The following DDAH1 variants were observed in gnomAD, a reference collection of about 807,000 sequenced individuals.
DDAH1 encodes the protein N(G),N(G)-dimethylarginine dimethylaminohydrolase 1.
In DDAH1, 19 loss-of-function variants were observed where a neutral mutation model predicts 28.8. The observed-to-expected ratio is 0.66, with a 90% confidence interval of 0.46 to 0.97. DDAH1 has a LOEUF of 0.97. DDAH1 is among the 50% of genes least tolerant of loss of function. The pLI is 0.00. For synonymous variants in DDAH1, 153 were observed against 154.4 expected (o/e 0.99, Z 0.07); for missense variants, 326 against 375.9 (o/e 0.87, Z 1.10).
chr1:85,401,870 T>G (rs1434070284), intron 1 of DDAH1, among the ~76,000 whole-genome samples: 3 of 152,224 alleles, frequency 2.0e-5, no homozygotes. Flanking sequence ...CAGTTATATG[T>G]AATTTTGTTT....
chr1:85,543,643 C>T (rs1436894874), intron 1 of DDAH1, among the ~76,000 whole-genome samples: 1 of 152,122 alleles, frequency 6.6e-6, no homozygotes, highest in Non-Finnish European at 1.5e-5. Context: ...GCAGGCATAG[C>T]TATTCTGTCT....
At chr1:85,454,198 C>T (rs1406345975) in intron 1 of DDAH1, among the ~76,000 whole-genome samples, 1 of 152,146 alleles carries the variant, frequency 6.6e-6, no homozygotes, top group African/African-American at 2.4e-5. Flanking sequence ...CATAACCTTC[C>T]CTTAACCAGG....
At chr1:85,504,961 CTTTTTTTTTTTTTTTTTTTT>C (rs61209793) in intron 1 of DDAH1, among the ~76,000 whole-genome samples, 3 of 60,836 alleles carry the variant, frequency 4.9e-5, no homozygotes, top group African/African-American at 1.4e-4. Context: ...CTCAATGATT[CTTTTTTTTTTTTTTTTTTTT>C]TTTTTTTTTT....
intron 1 of DDAH1, among the ~76,000 whole-genome samples, chr1:85,432,673 A>G (rs1463343170): frequency 1.3e-5 from 2 of 152,230 alleles, no homozygotes; most frequent in East Asian, 3.8e-4. Context: ...GGAAAATATC[A>G]CATGACTTAC....
chr1:85,387,698 G>A (rs961586026), intron 1 of DDAH1, among the ~76,000 whole-genome samples: 1 of 152,062 alleles, frequency 6.6e-6, no homozygotes, highest in Non-Finnish European at 1.5e-5. Context: ...TTCTAAGGCT[G>A]CTTCCCCATT....
Position 85,321,152 on chromosome 1 carries a change from CA to C in DDAH1, c.*299del. 1 of 232,946 alleles carries C rather than the reference CA, an allele frequency of 4.3e-6. No individual in the cohort carries two copies. The allele number at this position is 232,946 out of a possible 1,614,324, so 14.4% of individuals were successfully genotyped here. A position where few individuals can be genotyped will look rare whatever the true frequency, so the allele number is the denominator to read the frequency against. ...ACTGGCAACTAAATAATTTTCACAC[CA>C]AAAATACAGACACTAAATGAGTGTT... On this transcript the variant is annotated 3_prime_UTR_variant, in exon 6 of 6. Coordinates refer to ENST00000284031, the MANE Select transcript of DDAH1 (RefSeq NM_012137.4).
At chr1:85,409,700 T>C (rs1220787996) in intron 1 of DDAH1, among the ~76,000 whole-genome samples, 1 of 152,204 alleles carries the variant, frequency 6.6e-6, no homozygotes, top group African/African-American at 2.4e-5. Flanking sequence ...CCAAAGCAGG[T>C]TGCATTCACC....
At chr1:85,400,348 T>C (rs1444543601) in intron 1 of DDAH1, among the ~76,000 whole-genome samples, 1 of 151,888 alleles carries the variant, frequency 6.6e-6, no homozygotes, top group Non-Finnish European at 1.5e-5. Context: ...TGTGCCACTA[T>C]GCCCAGCTTT....
intron 2 of DDAH1, among the ~76,000 whole-genome samples, chr1:85,474,739 G>T (rs778621364): frequency 3.9e-5 from 6 of 152,078 alleles, no homozygotes; most frequent in Admixed American, 1.3e-4. Flanking sequence ...GCAATAGATG[G>T]CATTCCTTTC....
chr1:85,324,586 A>G (rs1047150442), intron 5 of DDAH1, among the ~76,000 whole-genome samples, 154 bp downstream of exon 5: 1 of 152,130 alleles, frequency 6.6e-6, no homozygotes, highest in Non-Finnish European at 1.5e-5. Flanking sequence ...AAAGTGAAAC[A>G]CATTTTCCTT....
chr1:85,509,692 G>T (rs1370572774), intron 1 of DDAH1, among the ~76,000 whole-genome samples: 1 of 152,224 alleles, frequency 6.6e-6, no homozygotes, highest in African/African-American at 2.4e-5. Flanking sequence ...TGTGACATAT[G>T]CACAACCTTC....
intron 1 of DDAH1, among the ~76,000 whole-genome samples, chr1:85,389,052 T>G (rs566961253): frequency 1.3e-5 from 2 of 152,196 alleles, no homozygotes; most frequent in African/African-American, 4.8e-5. Flanking sequence ...CATTAACAGT[T>G]GTTTTTAGGC....
chr1:85,528,835 A>G (rs1189837104), intron 1 of DDAH1, among the ~76,000 whole-genome samples: 1 of 151,878 alleles, frequency 6.6e-6, no homozygotes, highest in African/African-American at 2.4e-5. Flanking sequence ...TTAGCTGGGC[A>G]TGGTGGCACA....
At chr1:85,534,338 G>A (rs1192878901) in intron 1 of DDAH1, among the ~76,000 whole-genome samples, 1 of 152,004 alleles carries the variant, frequency 6.6e-6, no homozygotes, top group Non-Finnish European at 1.5e-5. Context: ...CTCACCATGA[G>A]GATAGGAGAA....
chr1:85,457,808 G>A (rs1654958263), intron 1 of DDAH1, among the ~76,000 whole-genome samples: 1 of 152,184 alleles, frequency 6.6e-6, no homozygotes, highest in African/African-American at 2.4e-5. Flanking sequence ...TCCTGCCTCA[G>A]CCTCCCGAGT....
At chr1:85,480,473 G>A (rs1243085520) in intron 2 of DDAH1, among the ~76,000 whole-genome samples, 4 of 152,110 alleles carry the variant, frequency 2.6e-5, no homozygotes, top group East Asian at 1.9e-4. Flanking sequence ...AGGCAGGTGC[G>A]GTGGCTCACA....
chr1:85,367,765 ATGT>A (rs1350326535), intron 1 of DDAH1, among the ~76,000 whole-genome samples: 1 of 152,172 alleles, frequency 6.6e-6, no homozygotes, highest in Non-Finnish European at 1.5e-5. Flanking sequence ...TTCTGTATAG[ATGT>A]TGTACCTGGA....
At chr1:85,541,895 T>C (rs1658481725) in intron 1 of DDAH1, among the ~76,000 whole-genome samples, 3 of 152,214 alleles carry the variant, frequency 2.0e-5, no homozygotes, top group Non-Finnish European at 4.4e-5. Flanking sequence ...TTGAATCTTC[T>C]GGCATCTTGA....
At chr1:85,556,486 T>A (rs1189031087) in intron 1 of DDAH1, among the ~76,000 whole-genome samples, 1 of 152,142 alleles carries the variant, frequency 6.6e-6, no homozygotes, top group Non-Finnish European at 1.5e-5. Flanking sequence ...ATCAAAGCAT[T>A]CTAGAAGGAC....
Sources: allele counts gnomAD v4.1 joint callset (sites outside exome capture counted in the v4.1 genomes callset), GRCh38; gene constraint gnomAD v4.1.1; transcripts MANE v1.5; gene names NCBI Gene and HGNC (gene_info 2026-07-23, HGNC 2026-07-21).